The following XPR1 variants were observed in gnomAD, a reference collection of about 807,000 sequenced individuals.
XPR1 encodes the protein solute carrier family 53 member 1.
A neutral mutation model predicts 87.5 loss-of-function variants in XPR1; 28 were observed. The ratio of observed to expected loss-of-function variants is 0.32; its 90% CI spans 0.24 to 0.44. The LOEUF (loss-of-function observed/expected upper bound fraction) is 0.44, where lower values mean the gene tolerates loss of function less well. XPR1 is among the 20% of genes least tolerant of loss of function. The pLI is 1.00. For synonymous variants in XPR1, 300 were observed against 306.1 expected (o/e 0.98, Z 0.21); for missense variants, 559 against 862.3 (o/e 0.65, Z 4.41).
intron 9 of XPR1, among the ~76,000 whole-genome samples, chr1:180,829,177 A>G (rs191729493): frequency 1.8e-3 from 278 of 152,262 alleles, no homozygotes; most frequent in African/African-American, 6.4e-3. Flanking sequence ...TGAAAAGTAG[A>G]AATTAAAACT....
chr1:180,750,140 C>CT (rs1647471813), intron 2 of XPR1, among the ~76,000 whole-genome samples: 1 of 152,044 alleles, frequency 6.6e-6, no homozygotes, highest in Admixed American at 6.6e-5. Flanking sequence ...AATTTGGAAA[C>CT]TTTTTATTCT....
At chr1:180,766,658 C>T (rs932027658) in intron 2 of XPR1, among the ~76,000 whole-genome samples, 2 of 151,880 alleles carry the variant, frequency 1.3e-5, no homozygotes, top group African/African-American at 4.8e-5. Context: ...GTTCAGAGTT[C>T]TGGTGGCTTA....
chr1:180,776,153 AAAG>A (rs1295026015), intron 2 of XPR1, among the ~76,000 whole-genome samples: 18 of 151,994 alleles, frequency 1.2e-4, no homozygotes, highest in Non-Finnish European at 2.6e-4. Context: ...ACTGAAACTG[AAAG>A]AAGACTTAAT....
chr1:180,864,470 T>A (rs571260621), intron 12 of XPR1, among the ~76,000 whole-genome samples: 20 of 152,308 alleles, frequency 1.3e-4, no homozygotes, highest in African/African-American at 3.4e-4. Context: ...TTAATGTTTC[T>A]GGGATGAATG....
At chr1:180,695,408 T>TTTTGTG (rs1553237546) in intron 2 of XPR1, among the ~76,000 whole-genome samples, 2 of 148,432 alleles carry the variant, frequency 1.3e-5, no homozygotes, top group Admixed American at 6.7e-5. Flanking sequence ...GTAGTCCCAT[T>TTTTGTG]TGTGTGTGTG....
At chr1:180,731,106 A>G (rs917925571) in intron 2 of XPR1, among the ~76,000 whole-genome samples, 4 of 152,156 alleles carry the variant, frequency 2.6e-5, no homozygotes, top group Admixed American at 6.5e-5. Context: ...ATGATATACC[A>G]TTTTACTAGT....
At chr1:180,732,192 C>CAAAAAAAAAAA (rs5779071) in intron 2 of XPR1, among the ~76,000 whole-genome samples, 1 of 107,792 alleles carries the variant, frequency 9.3e-6, no homozygotes, top group African/African-American at 3.6e-5. Flanking sequence ...GACTCCATCT[C>CAAAAAAAAAAA]AAAAAAAAAA....
chr1:180,741,430 G>T (rs912783814), intron 2 of XPR1, among the ~76,000 whole-genome samples: 1 of 151,642 alleles, frequency 6.6e-6, no homozygotes, highest in Non-Finnish European at 1.5e-5. Context: ...CCTCCCAAAA[G>T]GCTAGGATTA....
At position 180,721,470 on chromosome 1, in the gene XPR1, G is replaced by A. The variant is rs377311600; in HGVS notation, c.121+39059G>A. On this transcript the variant is annotated intron_variant, in intron 2 of 14. Transcript: ENST00000367590. ...ATATTAAAGTAAGTTTTGAGAAAAG[G>A]GAAGAAAGAAATTGTACCTGCCTTG... 6.5e-4 allele frequency among the ~76,000 whole-genome samples: 99 copies of A among 152,302 alleles called. 3 individuals carry two copies. In the South Asian group the frequency reaches 0.02, roughly 31 times the overall value.
chr1:180,695,292 T>C (rs61809333), intron 2 of XPR1, among the ~76,000 whole-genome samples: 24,977 of 152,146 alleles, frequency 0.16, 2,881 homozygotes, highest in African/African-American at 0.32. Context: ...CTGGATACTA[T>C]TTGCTTTTCA....
intron 1 of XPR1, among the ~76,000 whole-genome samples, chr1:180,633,610 C>G (rs1654666806): frequency 1.3e-5 from 2 of 152,060 alleles, no homozygotes; most frequent in South Asian, 4.1e-4. Flanking sequence ...TTCATTATTG[C>G]TAGAAATGAA....
At chr1:180,883,707 CAA>C (rs35119730) in intron 14 of XPR1, among the ~76,000 whole-genome samples, 1 of 133,066 alleles carries the variant, frequency 7.5e-6, no homozygotes. Flanking sequence ...GACTCTGTCT[CAA>C]AAAAAAAAAA....
At chr1:180,643,466 C>T (rs1655018402) in intron 1 of XPR1, among the ~76,000 whole-genome samples, 1 of 152,058 alleles carries the variant, frequency 6.6e-6, no homozygotes, top group South Asian at 2.1e-4. Context: ...TCACTGAATG[C>T]CTACTATTTG....
intron 3 of XPR1, among the ~76,000 whole-genome samples, chr1:180,802,426 G>A (rs1649820856): frequency 6.6e-6 from 1 of 152,160 alleles, no homozygotes; most frequent in South Asian, 2.1e-4. Context: ...GTAATGAAGG[G>A]TAGTGGGAAA....
chr1:180,879,563 A>G (rs1272190824), intron 13 of XPR1, among the ~76,000 whole-genome samples: 2 of 152,148 alleles, frequency 1.3e-5, no homozygotes, highest in East Asian at 1.9e-4. Flanking sequence ...GGATTTTTAC[A>G]TGACTTGCTT....
intron 1 of XPR1, among the ~76,000 whole-genome samples, chr1:180,640,358 G>T (rs576570726): frequency 6.6e-6 from 1 of 152,170 alleles, no homozygotes; most frequent in East Asian, 1.9e-4. Context: ...TATAGCGTAG[G>T]TTGTTAGCTC....
intron 2 of XPR1, among the ~76,000 whole-genome samples, chr1:180,736,333 T>G (rs1325079974): frequency 6.6e-6 from 1 of 152,198 alleles, no homozygotes; most frequent in Non-Finnish European, 1.5e-5. Context: ...GGAACCTGGC[T>G]TGGCTCTTAT....
intron 2 of XPR1, among the ~76,000 whole-genome samples, chr1:180,741,590 A>G (rs1658927272): frequency 6.6e-6 from 1 of 151,616 alleles, no homozygotes; most frequent in African/African-American, 2.4e-5. Flanking sequence ...GGTTCAAGTG[A>G]TTCTCCTGCC....
chr1:180,776,274 A>G (rs557285395), intron 2 of XPR1, among the ~76,000 whole-genome samples: 189 of 152,218 alleles, frequency 1.2e-3, no homozygotes, highest in African/African-American at 4.4e-3. Flanking sequence ...TTTCATTCTG[A>G]TCTACTTATT....
Sources: allele counts gnomAD v4.1 joint callset (sites outside exome capture counted in the v4.1 genomes callset), GRCh38; gene constraint gnomAD v4.1.1; transcripts MANE v1.5; gene names NCBI Gene and HGNC (gene_info 2026-07-23, HGNC 2026-07-21).